Variants in LIPF observed in about 807,000 individuals in gnomAD.
LIPF encodes the protein lipase F, gastric type, also known as gastric triacylglycerol lipase.
A neutral mutation model predicts 38.0 loss-of-function variants in LIPF; 25 were observed. That is an observed-to-expected ratio of 0.66 (90% CI 0.48 to 0.92). LIPF has a LOEUF of 0.92. LIPF is among the 40% of genes least tolerant of loss of function. LIPF has a pLI of 0.00. For synonymous variants in LIPF, 161 were observed against 156.2 expected, an observed-to-expected ratio of 1.03 and a Z score of -0.23; for missense variants, 410 against 469.9, an observed-to-expected ratio of 0.87 and a Z score of 1.18.
intron 1 of LIPF, among the ~76,000 whole-genome samples, chr10:88,666,446 A>G (rs1441238406): frequency 1.3e-5 from 2 of 152,218 alleles, no homozygotes; most frequent in South Asian, 2.1e-4. Flanking sequence ...ATATTTGAGG[A>G]CAATATCACT....
chr10:88,675,401 G>T, intron 7 of LIPF, 185 bp from the exon 8 acceptor site: 1 of 539,954 alleles, frequency 1.9e-6, no homozygotes, highest in Non-Finnish European at 3.2e-6. Context: ...AAATTAAATG[G>T]GTTAACACAT....
At chr10:88,671,356 G>T (rs1841593644) in intron 5 of LIPF, among the ~76,000 whole-genome samples, 1 of 152,096 alleles carries the variant, frequency 6.6e-6, no homozygotes, top group East Asian at 1.9e-4. Context: ...CTTGTCCAAG[G>T]TCACAAAGCT....
chr10:88,673,518 T>C, intron 6 of LIPF, 70 bp from the exon 7 acceptor site: 1 of 1,143,756 alleles, frequency 8.7e-7, no homozygotes, highest in Middle Eastern at 2.2e-4. Flanking sequence ...TATAAGTAGA[T>C]TAGATAAACT....
chr10:88,672,708 G>A (rs916039613), intron 6 of LIPF, among the ~76,000 whole-genome samples: 5 of 148,022 alleles, frequency 3.4e-5, no homozygotes, highest in Admixed American at 1.4e-4. Flanking sequence ...TTAGGGGAAC[G>A]GTTTAGCCTC....
chr10:88,677,048 A>G (rs903855974), intron 9 of LIPF, among the ~76,000 whole-genome samples: 1 of 152,110 alleles, frequency 6.6e-6, no homozygotes, highest in Non-Finnish European at 1.5e-5. Flanking sequence ...TTTTCACCAC[A>G]TCCAATTTTT....
In LIPF at chr10:88,671,957, C is replaced by G; in HGVS notation, c.661C>G (p.Leu221Val). The change falls in exon 6 of 10, where the codon CTC becomes GTC. Residue 221 changes from leucine (L) to valine (V), a missense_variant. Transcript: ENST00000238983. ...CAAACTTAGATTTGTTCCTCAATCC[C>G]TCTTCAAGGTATGCAATTCTCTTTA... Reference protein sequence around the residue: ...INKLRFVPQSLFKFIFGDKIF... With the variant: ...INKLRFVPQSVFKFIFGDKIF... The G allele has an allele frequency of 6.2e-7, 1 of 1,609,202 alleles. No individual in the cohort carries two copies. The highest frequency in any genetic ancestry group is 1.3e-5 in the African/African-American group (1 of 74,826).
chr10:88,671,078 C>A (rs1348508385), intron 5 of LIPF, among the ~76,000 whole-genome samples: 1 of 152,086 alleles, frequency 6.6e-6, no homozygotes, highest in Non-Finnish European at 1.5e-5. Flanking sequence ...TATACTGCAG[C>A]GTTAAACTTG....
At chr10:88,666,708 A>AG (rs1293144738) in intron 1 of LIPF, among the ~76,000 whole-genome samples, 3 of 152,316 alleles carry the variant, frequency 2.0e-5, no homozygotes, top group Non-Finnish European at 4.4e-5. Context: ...AAGAAAAAAA[A>AG]TTAGCCAGAT....
chr10:88,669,866 C>T lies in LIPF; in HGVS notation c.452C>T (p.Pro151Leu), dbSNP rs757492514. ...GATGAAATGGCTAAATATGACCTTCCAGCCACAATCGACTTCATTGTAAAG... is the reference window on the plus strand; with the variant it reads ...GATGAAATGGCTAAATATGACCTTCTAGCCACAATCGACTTCATTGTAAAG... ...SFDEMAKYDL[P>L]ATIDFIVKKT... The change falls in exon 5 of 10, where the codon CCA (proline) becomes CTA (leucine). Residue 151 changes from proline to leucine, a missense_variant. By Grantham distance (98) the Pro-to-Leu change is moderately conservative. Coordinates refer to ENST00000238983, the MANE Select transcript of LIPF (RefSeq NM_004190.4). The T allele has an allele frequency of 3.7e-6, 6 of 1,612,964 alleles. No individual in the cohort carries two copies. In the Admixed American group the frequency reaches 1.0e-4, roughly 27 times the overall value.
Position 88,669,820 on chromosome 10 carries a change from T to A in LIPF, c.423-17T>A. 2.0e-6 allele frequency: 3 copies of A among 1,530,810 alleles called. No homozygotes were observed. Among genetic ancestry groups the A allele is most frequent in the Non-Finnish European group, 2.7e-6 (3 of 1,107,792 alleles). 94.8% of individuals were successfully genotyped at this position (1,530,810 alleles called of 1,614,324 possible). On this transcript the variant is annotated splice_polypyrimidine_tract_variant and intron_variant, in intron 4 of 9. Transcript: ENST00000238983. ...CAAGGAAATGTATTCACTTTCATTT[T>A]GTCTTTTTCCTTTCAGCTTTGATGA...
rs760100017 is a variant in LIPF at position 88,678,586 on chromosome 10, C to G, written c.1102C>G (p.Pro368Ala). The G allele has an allele frequency of 6.2e-7, 1 of 1,613,888 alleles. No individual in the cohort carries two copies. The highest frequency in any genetic ancestry group is 8.5e-7 in the Non-Finnish European group (1 of 1,179,798). ...LPNLIYHKEI[P>A]FYNHLDFIWA... ...CAATCTTATTTACCACAAGGAGATTCCTTTTTACAATCACTTGGACTTTAT... is the reference window on the plus strand; with the variant it reads ...CAATCTTATTTACCACAAGGAGATTGCTTTTTACAATCACTTGGACTTTAT... Residue 368 changes from proline (P) to alanine (A), a missense_variant, in exon 10 of 10, where the codon CCT becomes GCT. By Grantham distance (27) the Pro-to-Ala change is conservative. Coordinates refer to ENST00000238983, the MANE Select transcript of LIPF (RefSeq NM_004190.4).
chr10:88,677,909 C>G (rs1327437381), intron 9 of LIPF, among the ~76,000 whole-genome samples: 1 of 152,152 alleles, frequency 6.6e-6, no homozygotes, highest in Non-Finnish European at 1.5e-5. Flanking sequence ...AATTACAGCT[C>G]CATAACTGAA....
Position 88,671,834 on chromosome 10 carries a change from AT to A in LIPF, c.540del (p.Ile180MetfsTer19). 6.2e-7 allele frequency: 1 copy of A among 1,609,758 alleles called. No individual in the cohort carries two copies. The highest frequency in any genetic ancestry group is 8.5e-7 in the Non-Finnish European group (1 of 1,178,628). ...AGTTCCTTGTTCTTTTTCAGGTTTTATTGCCTTTTCCACCAATCCCAGCCTG... is the reference window on the plus strand; with the variant it reads ...AGTTCCTTGTTCTTTTTCAGGTTTTATGCCTTTTCCACCAATCCCAGCCTG... ...GHSQGTTIGF[I>X]AFSTNPSLAK... is the part of the protein sequence containing the mutation. On this transcript the variant is annotated frameshift_variant, in exon 6 of 10. Coordinates refer to ENST00000238983, the MANE Select transcript of LIPF (RefSeq NM_004190.4). LOFTEE classifies it high-confidence loss of function.
Position 88,667,620 on chromosome 10 carries a change from A to C in LIPF, c.157A>C (p.Thr53Pro). The change falls in exon 3 of 10, where the codon ACT (threonine) becomes CCT (proline). Residue 53 changes from threonine to proline, a missense_variant. Transcript: ENST00000238983. ...CCCAAATGAAGAATATGAAGTTGTGACTGAAGATGGTTATATTCTTGAAGT... is the reference window on the plus strand; with the variant it reads ...CCCAAATGAAGAATATGAAGTTGTGCCTGAAGATGGTTATATTCTTGAAGT... ...GYPNEEYEVV[T>P]EDGYILEVNR... 1 of 1,604,400 alleles carries C rather than the reference A, an allele frequency of 6.2e-7. No individual in the cohort carries two copies. The highest frequency in any genetic ancestry group is 8.5e-7 in the Non-Finnish European group (1 of 1,171,698).
chr10:88,673,796 A>T, intron 7 of LIPF, 62 bp downstream of exon 7: 1 of 1,372,112 alleles, frequency 7.3e-7, no homozygotes, highest in Non-Finnish European at 1.0e-6. Flanking sequence ...TTTCATTGCC[A>T]CTTAGAAGTG....
At chr10:88,665,586 T>C (rs1157891420) in intron 1 of LIPF, 1 of 1,521,604 alleles carries the variant, frequency 6.6e-7, no homozygotes, top group Non-Finnish European at 8.8e-7. Context: ...CACTTTACAA[T>C]GGCAAATCAC....
At position 88,669,822 on chromosome 10, in the gene LIPF, T is replaced by C; in HGVS notation, c.423-15T>C. ...AGGAAATGTATTCACTTTCATTTTG[T>C]CTTTTTCCTTTCAGCTTTGATGAAA... On this transcript the variant is annotated splice_polypyrimidine_tract_variant and intron_variant, in intron 4 of 9. Coordinates refer to ENST00000238983, the MANE Select transcript of LIPF (RefSeq NM_004190.4). 6.5e-7 allele frequency: 1 copy of C among 1,549,598 alleles called. No individual in the cohort carries two copies. The highest frequency in any genetic ancestry group is 1.1e-5 in the South Asian group (1 of 88,166).
Position 88,669,879 on chromosome 10 carries a change from C to T in LIPF, c.465C>T (p.Asp155=), listed in dbSNP as rs1184136257. ...MAKYDLPATI[D]FIVKKTGQKQ... is the part of the protein sequence containing the mutation. The stretch of plus-strand genomic sequence containing the variant: ...AATATGACCTTCCAGCCACAATCGA[C>T]TTCATTGTAAAGAAAACTGGACAGA... The change falls in exon 5 of 10, where the codon GAC becomes GAT. Residue 155 remains aspartate (D), a synonymous_variant. Coordinates refer to ENST00000238983, the MANE Select transcript of LIPF (RefSeq NM_004190.4). The T allele has an allele frequency of 6.2e-7, 1 of 1,613,638 alleles. No homozygotes were observed. Among genetic ancestry groups the T allele is most frequent in the Non-Finnish European group, 8.5e-7 (1 of 1,179,660 alleles).
intron 9 of LIPF, among the ~76,000 whole-genome samples, chr10:88,678,052 T>A (rs1453282987): frequency 6.6e-6 from 1 of 152,190 alleles, no homozygotes; most frequent in African/African-American, 2.4e-5. Flanking sequence ...TCTAATCAAA[T>A]CCATTTCCCT....
Sources: allele counts gnomAD v4.1 joint callset (sites outside exome capture counted in the v4.1 genomes callset), GRCh38; gene constraint gnomAD v4.1.1; transcripts MANE v1.5; gene names NCBI Gene and HGNC (gene_info 2026-07-23, HGNC 2026-07-21).